The following RBMS3 variants were observed in gnomAD, a reference collection of about 807,000 sequenced individuals.
The protein encoded by RBMS3 is RNA-binding motif, single-stranded-interacting protein 3.
A neutral mutation model predicts 66.8 loss-of-function variants in RBMS3; 27 were observed. The ratio of observed to expected loss-of-function variants is 0.40; its 90% confidence interval spans 0.30 to 0.56. The LOEUF (loss-of-function observed/expected upper bound fraction) is 0.56. RBMS3 is among the 20% of genes least tolerant of loss of function. The pLI is 0.40. For synonymous variants in RBMS3, 188 were observed against 183.0 expected (o/e 1.03, Z -0.22); for missense variants, 513 against 549.5 (o/e 0.93, Z 0.66).
chr3:29,773,626 G>C (rs920321667), intron 6 of RBMS3, among the ~76,000 whole-genome samples: 2 of 151,956 alleles, frequency 1.3e-5, no homozygotes, highest in African/African-American at 4.8e-5. Context: ...TAGTGCTCCC[G>C]GAGTGTTTGC....
chr3:29,814,891 A>G lies in RBMS3; in HGVS notation c.637+51902A>G, dbSNP rs9849976. ...CTAATGCTAATTTAGGAAGACAGATATTTAACACATGGCCCTCTCATCTGC... is the reference window on the plus strand; with the variant it reads ...CTAATGCTAATTTAGGAAGACAGATGTTTAACACATGGCCCTCTCATCTGC... On this transcript the variant is annotated intron_variant, in intron 6 of 14. Coordinates refer to ENST00000383767, the MANE Select transcript of RBMS3 (RefSeq NM_001003793.3). Among the ~76,000 whole-genome samples, 339 of 152,312 alleles carry G rather than the reference A, an allele frequency of 2.2e-3. 4 individuals carry two copies. Among genetic ancestry groups the G allele is most frequent in the African/African-American group, 7.8e-3 (324 of 41,562 alleles).
chr3:29,348,773 C>T (rs2036733650), intron 1 of RBMS3, among the ~76,000 whole-genome samples: 1 of 152,132 alleles, frequency 6.6e-6, no homozygotes, highest in Non-Finnish European at 1.5e-5. Flanking sequence ...CTTTAAGTAG[C>T]AAATTGAGGC....
intron 1 of RBMS3, among the ~76,000 whole-genome samples, chr3:29,418,677 C>T (rs2040577790): frequency 1.3e-5 from 2 of 152,054 alleles, no homozygotes; most frequent in Admixed American, 1.3e-4. Flanking sequence ...CTTTCCTCTG[C>T]TGAAATAAGG....
intron 1 of RBMS3, among the ~76,000 whole-genome samples, chr3:29,380,751 T>C (rs1419403297): frequency 1.3e-5 from 2 of 152,228 alleles, no homozygotes; most frequent in Non-Finnish European, 2.9e-5. Flanking sequence ...GTGAATTATT[T>C]GTCACTAGTC....
intron 3 of RBMS3, among the ~76,000 whole-genome samples, chr3:29,582,712 A>G (rs2047375605): frequency 6.6e-6 from 1 of 152,190 alleles, no homozygotes; most frequent in Non-Finnish European, 1.5e-5. Context: ...ATTATTTGTC[A>G]TTAAGGAAAA....
At chr3:29,634,126 C>T (rs1217622501) in intron 4 of RBMS3, among the ~76,000 whole-genome samples, 1 of 151,860 alleles carries the variant, frequency 6.6e-6, no homozygotes, top group African/African-American at 2.4e-5. Context: ...TAGTACTATG[C>T]ATTGTGGGTA....
At chr3:29,674,250 A>G (rs2051136101) in intron 4 of RBMS3, among the ~76,000 whole-genome samples, 1 of 152,218 alleles carries the variant, frequency 6.6e-6, no homozygotes, top group South Asian at 2.1e-4. Flanking sequence ...GATGGGACAT[A>G]TCTCAAAATG....
At chr3:29,696,922 C>T in intron 4 of RBMS3, 1 of 980,942 alleles carries the variant, frequency 1.0e-6, no homozygotes, top group Non-Finnish European at 1.2e-6. Flanking sequence ...AGTAAAATGT[C>T]TCCCCTGGTC....
chr3:29,990,971 G>A (rs1454436758), intron 13 of RBMS3, 111 bp from the exon 14 acceptor site: 2 of 963,024 alleles, frequency 2.1e-6, no homozygotes, highest in African/African-American at 1.6e-5. Flanking sequence ...ACTTCATGTA[G>A]CTGAGGGTAT....
At chr3:29,413,907 T>C (rs2040375672) in intron 1 of RBMS3, among the ~76,000 whole-genome samples, 1 of 152,064 alleles carries the variant, frequency 6.6e-6, no homozygotes, top group Non-Finnish European at 1.5e-5. Context: ...TTTTTGTTCC[T>C]TTTACTTAAA....
intron 3 of RBMS3, among the ~76,000 whole-genome samples, chr3:29,518,645 G>A (rs928539119): frequency 3.9e-5 from 6 of 152,068 alleles, no homozygotes; most frequent in African/African-American, 1.2e-4. Flanking sequence ...TTTTCATCTC[G>A]TCAACACATT....
At chr3:29,295,063 A>G (rs993883596) in intron 1 of RBMS3, among the ~76,000 whole-genome samples, 1 of 151,588 alleles carries the variant, frequency 6.6e-6, no homozygotes, top group South Asian at 2.1e-4. Flanking sequence ...ACGTTAGATG[A>G]AATTCTGATG....
chr3:29,872,239 T>G (rs1317112996), intron 7 of RBMS3, among the ~76,000 whole-genome samples: 1 of 151,990 alleles, frequency 6.6e-6, no homozygotes, highest in Admixed American at 6.6e-5. Flanking sequence ...AGAAATTAAC[T>G]CATCATGTGC....
At chr3:29,618,247 C>G (rs943577214) in intron 4 of RBMS3, among the ~76,000 whole-genome samples, 1 of 152,090 alleles carries the variant, frequency 6.6e-6, no homozygotes, top group Non-Finnish European at 1.5e-5. Context: ...GTAATCCTAG[C>G]ACTTTGGGAG....
At chr3:29,617,103 G>A (rs1259223878) in intron 4 of RBMS3, 1 of 152,190 alleles carries the variant, frequency 6.6e-6, no homozygotes, top group African/African-American at 2.4e-5. Context: ...CCACATCAAA[G>A]TCACTTAACT....
At chr3:29,684,929 G>T (rs2051651378) in intron 4 of RBMS3, among the ~76,000 whole-genome samples, 1 of 151,914 alleles carries the variant, frequency 6.6e-6, no homozygotes, top group Admixed American at 6.6e-5. Context: ...GGTTTATGTT[G>T]CATGTTTTAT....
chr3:29,284,776 A>T (rs1044094237), intron 1 of RBMS3, among the ~76,000 whole-genome samples: 2 of 151,916 alleles, frequency 1.3e-5, no homozygotes, highest in Non-Finnish European at 2.9e-5. Flanking sequence ...ATAATGTGTA[A>T]CAATGTTGTC....
chr3:29,877,810 C>G (rs543866766), intron 7 of RBMS3, among the ~76,000 whole-genome samples: 1 of 152,168 alleles, frequency 6.6e-6, no homozygotes. Flanking sequence ...GCTCATATCC[C>G]CTTTCAGCAA....
Position 29,961,873 on chromosome 3 carries a change from G to GGAGGGAGTTAAACTGACAGTA in RBMS3, c.1098+17622_1098+17642dup, listed in dbSNP as rs1443866883. Among the ~76,000 whole-genome samples, 25 of 151,326 alleles carry GGAGGGAGTTAAACTGACAGTA rather than the reference G, an allele frequency of 1.7e-4. No homozygotes were observed. In the South Asian group the frequency reaches 5.2e-3, roughly 32 times the overall value. ...GTGGGGACACAGCAAAATCTAATCA[G>GGAGGGAGTTAAACTGACAGTA]GAGGGAGTTAAACTGACAGTAGACA... On this transcript the variant is annotated intron_variant, in intron 12 of 14. Transcript: ENST00000383767.
Sources: gnomAD v4.1 joint callset for allele counts (sites outside exome capture counted in the v4.1 genomes callset) on GRCh38, gnomAD v4.1.1 for gene constraint, MANE v1.5 for transcripts, NCBI Gene and HGNC (gene_info 2026-07-23, HGNC 2026-07-21) for gene names.